CNTNAP2: variants seen among roughly 807,000 people sequenced by gnomAD.
The protein encoded by CNTNAP2 is contactin associated protein 2, also known as contactin-associated protein-like 2.
CNTNAP2 carries 98 observed loss-of-function variants against 155.2 expected under a neutral mutation model. The observed-to-expected ratio is 0.63, with a 90% confidence interval of 0.54 to 0.75. CNTNAP2 has a LOEUF of 0.75. Among genes scored for constraint, CNTNAP2 ranks in the 30% least tolerant of loss-of-function variants. The pLI is 0.00. For missense variants in CNTNAP2, 1,727 were observed against 1,688.1 expected (o/e 1.02, Z -0.40); for synonymous variants, 651 against 631.2 (o/e 1.03, Z -0.47).
At chr7:147,674,773 G>A (rs865925256) in intron 13 of CNTNAP2, among the ~76,000 whole-genome samples, 3 of 152,000 alleles carry the variant, frequency 2.0e-5, no homozygotes, top group Admixed American at 6.6e-5. Context: ...TTTCCTTAAG[G>A]GAGGTAAGGT....
intron 3 of CNTNAP2, among the ~76,000 whole-genome samples, chr7:147,023,262 T>C (rs1169882932): frequency 1.3e-5 from 2 of 152,232 alleles, no homozygotes; most frequent in Non-Finnish European, 2.9e-5. Flanking sequence ...AACATTTGTT[T>C]AGAAATTTTA....
At chr7:146,249,933 C>T (rs755355557) in intron 1 of CNTNAP2, among the ~76,000 whole-genome samples, 1 of 152,038 alleles carries the variant, frequency 6.6e-6, no homozygotes, top group South Asian at 2.1e-4. Context: ...CGTCTTAGGG[C>T]TCTATGCAGT....
At chr7:147,817,263 C>T (rs1489917051) in intron 13 of CNTNAP2, among the ~76,000 whole-genome samples, 1 of 152,094 alleles carries the variant, frequency 6.6e-6, no homozygotes, top group Non-Finnish European at 1.5e-5. Context: ...AATCTTAATT[C>T]GAGCATATCA....
intron 10 of CNTNAP2, among the ~76,000 whole-genome samples, chr7:147,485,006 C>G (rs4725737): frequency 0.8 from 121,791 of 152,110 alleles, 49,428 homozygotes; most frequent in African/African-American, 0.94. Context: ...TAGATGGAGA[C>G]AGGAATTGAT....
At chr7:148,137,697 G>T (rs890855794) in intron 16 of CNTNAP2, among the ~76,000 whole-genome samples, 5 of 148,434 alleles carry the variant, frequency 3.4e-5, no homozygotes, top group African/African-American at 1.3e-4. Flanking sequence ...AGGAAGGAAG[G>T]AAGGAAGGAA....
At chr7:146,694,051 C>T (rs532896089) in intron 1 of CNTNAP2, among the ~76,000 whole-genome samples, 2 of 152,020 alleles carry the variant, frequency 1.3e-5, no homozygotes, top group Non-Finnish European at 2.9e-5. Flanking sequence ...ATATTTGCTT[C>T]CTGGTTTTAT....
chr7:147,487,419 C>T (rs1798529320), intron 11 of CNTNAP2, among the ~76,000 whole-genome samples: 1 of 152,110 alleles, frequency 6.6e-6, no homozygotes, highest in Non-Finnish European at 1.5e-5. Flanking sequence ...TATTAACCTC[C>T]AGTATGTGAC....
At chr7:148,367,007 C>T (rs939134462) in intron 21 of CNTNAP2, among the ~76,000 whole-genome samples, 2 of 152,190 alleles carry the variant, frequency 1.3e-5, no homozygotes, top group East Asian at 3.9e-4. Context: ...CCCAGGAAGG[C>T]GGATCACGAG....
At chr7:147,454,549 G>T (rs570198073) in intron 10 of CNTNAP2, among the ~76,000 whole-genome samples, 1 of 152,090 alleles carries the variant, frequency 6.6e-6, no homozygotes, top group South Asian at 2.1e-4. Context: ...TATGATTTCC[G>T]AGTATTTGCC....
chr7:146,620,390 A>T (rs1217528650), intron 1 of CNTNAP2, among the ~76,000 whole-genome samples: 1 of 152,152 alleles, frequency 6.6e-6, no homozygotes, highest in African/African-American at 2.4e-5. Flanking sequence ...ATTGATAATT[A>T]CTAGCTAGCT....
intron 15 of CNTNAP2, among the ~76,000 whole-genome samples, chr7:148,054,139 A>G (rs867182440): frequency 1.3e-5 from 2 of 151,780 alleles, no homozygotes; most frequent in African/African-American, 4.8e-5. Flanking sequence ...CACCCGGCTA[A>G]TTTTTTGTAT....
chr7:146,801,874 A>G (rs1219376077), intron 2 of CNTNAP2, among the ~76,000 whole-genome samples: 3 of 152,210 alleles, frequency 2.0e-5, no homozygotes, highest in African/African-American at 4.8e-5. Flanking sequence ...CATAGATTCT[A>G]TGGTTCTAGA....
intron 2 of CNTNAP2, among the ~76,000 whole-genome samples, chr7:146,808,771 T>C (rs548469410): frequency 1.3e-5 from 2 of 152,346 alleles, no homozygotes; most frequent in South Asian, 4.1e-4. Context: ...CAGTTTTAGA[T>C]TCCACTTATA....
At chr7:147,847,683 G>A (rs1385249335) in intron 13 of CNTNAP2, among the ~76,000 whole-genome samples, 3 of 38,846 alleles carry the variant, frequency 7.7e-5, no homozygotes, top group Non-Finnish European at 1.6e-4. Context: ...CTGCATTTTA[G>A]AGTTTCCAGT....
chr7:148,168,745 A>G (rs1440587822), intron 17 of CNTNAP2, among the ~76,000 whole-genome samples: 1 of 152,234 alleles, frequency 6.6e-6, no homozygotes, highest in African/African-American at 2.4e-5. Context: ...ATTCTTCATC[A>G]TGTTAACATT....
At chr7:147,063,231 C>A (rs1328538181) in intron 4 of CNTNAP2, among the ~76,000 whole-genome samples, 2 of 152,144 alleles carry the variant, frequency 1.3e-5, no homozygotes, top group Admixed American at 1.3e-4. Flanking sequence ...GTTTTCATTT[C>A]TATTAGAAGT....
At chr7:148,035,352 G>A (rs1802554232) in intron 15 of CNTNAP2, among the ~76,000 whole-genome samples, 1 of 152,164 alleles carries the variant, frequency 6.6e-6, no homozygotes, top group East Asian at 1.9e-4. Context: ...AGAGCTCTAG[G>A]AGGGCAGAAT....
At chr7:146,793,988 C>A (rs1250351123) in intron 2 of CNTNAP2, among the ~76,000 whole-genome samples, 1 of 152,172 alleles carries the variant, frequency 6.6e-6, no homozygotes, top group Non-Finnish European at 1.5e-5. Flanking sequence ...GTATGCTCAG[C>A]CAGTCTCTCT....
intron 12 of CNTNAP2, among the ~76,000 whole-genome samples, chr7:147,593,218 T>A (rs1800771962): frequency 6.6e-6 from 1 of 150,776 alleles, no homozygotes; most frequent in Non-Finnish European, 1.5e-5. Flanking sequence ...CCTTATTTTT[T>A]TTTTTTTCAT....
Sources: allele counts gnomAD v4.1 joint callset (sites outside exome capture counted in the v4.1 genomes callset), GRCh38; gene constraint gnomAD v4.1.1; transcripts MANE v1.5; gene names NCBI Gene and HGNC (gene_info 2026-07-23, HGNC 2026-07-21).